The following SLIT3 variants were observed in gnomAD, a reference collection of about 807,000 sequenced individuals.
SLIT3 encodes the protein slit homolog 3 protein.
SLIT3 carries 68 observed loss-of-function variants against 184.0 expected under a neutral mutation model. The ratio of observed to expected loss-of-function variants is 0.37; its 90% CI spans 0.30 to 0.45. The LOEUF is 0.45. SLIT3 is among the 20% of genes least tolerant of loss of function. The pLI is 1.00. For missense variants in SLIT3, 1,707 were observed against 2,026.0 expected, an observed-to-expected ratio of 0.84 and a Z score of 3.02; for synonymous variants, 831 against 828.6, an observed-to-expected ratio of 1.00 and a Z score of -0.05.
chr5:168,792,072 G>T (rs1250457702), intron 10 of SLIT3: 1 of 152,238 alleles, frequency 6.6e-6, no homozygotes, highest in Non-Finnish European at 1.5e-5. Context: ...AGCCATAAGT[G>T]ACTGGACACA....
intron 4 of SLIT3, among the ~76,000 whole-genome samples, chr5:169,117,994 G>A (rs1267796795): frequency 6.6e-6 from 1 of 152,174 alleles, no homozygotes; most frequent in Non-Finnish European, 1.5e-5. Context: ...TATGATGTGT[G>A]CCTTTTGCCT....
chr5:168,749,711 A>C (rs1754633163), intron 18 of SLIT3, 76 bp from the exon 19 acceptor site: 1 of 1,508,854 alleles, frequency 6.6e-7, no homozygotes, highest in Admixed American at 1.7e-5. Flanking sequence ...CCCAGAGCCC[A>C]GCTCTCCTAG....
At chr5:169,150,516 T>TAC (rs58010997) in intron 4 of SLIT3, among the ~76,000 whole-genome samples, 25,197 of 145,298 alleles carry the variant, frequency 0.17, 3,376 homozygotes, top group African/African-American at 0.39. Context: ...TTCACTCACA[T>TAC]ACACACACAC....
intron 4 of SLIT3, among the ~76,000 whole-genome samples, chr5:169,118,167 G>C (rs969726626): frequency 6.6e-6 from 1 of 152,204 alleles, no homozygotes; most frequent in Admixed American, 6.5e-5. Context: ...GACAGAGTAA[G>C]ACCTTGTCTC....
intron 4 of SLIT3, among the ~76,000 whole-genome samples, chr5:169,008,968 C>G (rs1005876984): frequency 6.6e-6 from 1 of 152,154 alleles, no homozygotes; most frequent in Non-Finnish European, 1.5e-5. Flanking sequence ...GATGAAGAAA[C>G]TGGAGTTCAG....
chr5:168,787,702 G>A (rs1017414460), intron 11 of SLIT3, among the ~76,000 whole-genome samples: 2 of 152,062 alleles, frequency 1.3e-5, no homozygotes, highest in African/African-American at 2.4e-5. Flanking sequence ...GTGTAGTAAC[G>A]TTACATGGCT....
chr5:169,034,678 C>T (rs114540738), intron 4 of SLIT3, among the ~76,000 whole-genome samples: 2,737 of 151,966 alleles, frequency 0.018, 85 homozygotes, highest in African/African-American at 0.063. Flanking sequence ...CAGCTAGACG[C>T]TAGATCAAAT....
chr5:169,132,115 T>C (rs1034713000), intron 4 of SLIT3, among the ~76,000 whole-genome samples: 1 of 152,112 alleles, frequency 6.6e-6, no homozygotes, highest in Non-Finnish European at 1.5e-5. Flanking sequence ...CTGTTTGAAG[T>C]ACCCCACATG....
At chr5:168,965,365 G>A (rs985650032) in intron 4 of SLIT3, among the ~76,000 whole-genome samples, 2 of 152,188 alleles carry the variant, frequency 1.3e-5, no homozygotes, top group Non-Finnish European at 2.9e-5. Flanking sequence ...AGAAAGATGG[G>A]TTTTGAAATC....
chr5:169,195,536 G>GTT (rs1763714297), intron 3 of SLIT3, among the ~76,000 whole-genome samples: 1 of 152,160 alleles, frequency 6.6e-6, no homozygotes, highest in Non-Finnish European at 1.5e-5. Flanking sequence ...CTCTTGTTTT[G>GTT]TTTTGTTTGA....
chr5:169,013,314 C>T (rs1005454675), intron 4 of SLIT3: 3 of 152,318 alleles, frequency 2.0e-5, no homozygotes, highest in East Asian at 3.9e-4. Context: ...CTGCTTCCAT[C>T]CTACCATTTC....
At position 168,963,746 on chromosome 5, in the gene SLIT3, T is replaced by C. The variant is rs148657899; in HGVS notation, c.414-80410A>G. 1.7e-3 allele frequency among the ~76,000 whole-genome samples: 255 copies of C among 152,270 alleles called. 3 individuals carry two copies. Among genetic ancestry groups the C allele is most frequent in the South Asian group, 1.0e-2 (48 of 4,824 alleles). ...GAGACAAACCCTTGCAAATGCCAGGTTGGAACTTGTCGAATCAATGACCAA... is the reference window on the plus strand; with the variant it reads ...GAGACAAACCCTTGCAAATGCCAGGCTGGAACTTGTCGAATCAATGACCAA... On this transcript the variant is annotated intron_variant, in intron 4 of 35. Coordinates refer to ENST00000519560, the MANE Select transcript of SLIT3 (RefSeq NM_003062.4).
At position 169,300,677 on chromosome 5, in the gene SLIT3, G is replaced by C. The variant is rs1211686203; in HGVS notation, c.33C>G (p.Ala11=). MAPGWAGVGA[A]VRARLALALA... Reference sequence around the variant, plus strand: ...AGGCCAGCGCCAGGCGGGCGCGCACGGCGGCGCCGACCCCTGCCCACCCGG... The same window carrying C: ...AGGCCAGCGCCAGGCGGGCGCGCACCGCGGCGCCGACCCCTGCCCACCCGG... Residue 11 remains alanine (A), a synonymous_variant, in exon 1 of 36, where the codon GCC becomes GCG. Transcript: ENST00000519560. The surrounding 1 kb of genome is among the most constrained non-coding windows in gnomAD (Gnocchi z 4.1). 1.6e-5 allele frequency: 22 copies of C among 1,397,316 alleles called. No individual in the cohort carries two copies. Among genetic ancestry groups the C allele is most frequent in the Non-Finnish European group, 1.8e-5 (20 of 1,084,566 alleles). The allele number at this position is 1,397,316 out of a possible 1,614,324, so 86.6% of individuals were successfully genotyped here. A position where few individuals can be genotyped will look rare whatever the true frequency, so the allele number is the denominator to read the frequency against.
At chr5:168,722,397 G>A (rs567273773) in intron 22 of SLIT3, 70 bp from the exon 23 acceptor site, 29 of 1,342,750 alleles carry the variant, frequency 2.2e-5, no homozygotes, top group Admixed American at 1.0e-4. Flanking sequence ...CACTGTTCAC[G>A]TTGTGAAACA....
At chr5:168,885,937 T>A (rs1351111138) in intron 4 of SLIT3, among the ~76,000 whole-genome samples, 2 of 152,148 alleles carry the variant, frequency 1.3e-5, no homozygotes, top group African/African-American at 4.8e-5. Flanking sequence ...CTGGGAGACC[T>A]CCCACACAGG....
intron 4 of SLIT3, among the ~76,000 whole-genome samples, chr5:169,035,402 A>G (rs996010266): frequency 6.6e-6 from 1 of 151,998 alleles, no homozygotes; most frequent in Non-Finnish European, 1.5e-5. Context: ...GTAATCCCAA[A>G]ACTTTGGGAG....
chr5:168,715,116 C>T (rs1762677891), intron 23 of SLIT3, among the ~76,000 whole-genome samples: 1 of 152,172 alleles, frequency 6.6e-6, no homozygotes, highest in Non-Finnish European at 1.5e-5. Flanking sequence ...GGGTTAAGAA[C>T]CCAAGGCTCT....
chr5:168,749,827 G>A (rs899488713), intron 18 of SLIT3, among the ~76,000 whole-genome samples, 192 bp from the exon 19 acceptor site: 9 of 152,096 alleles, frequency 5.9e-5, no homozygotes, highest in African/African-American at 2.2e-4. Flanking sequence ...TGGCTGTGGT[G>A]TCTCGCCATG....
intron 3 of SLIT3, among the ~76,000 whole-genome samples, chr5:169,227,265 T>C (rs1336827457): frequency 6.6e-6 from 1 of 152,226 alleles, no homozygotes; most frequent in Non-Finnish European, 1.5e-5. Context: ...ATTACGCCAC[T>C]TAAATCTGAT....
Sources: allele counts gnomAD v4.1 joint callset (sites outside exome capture counted in the v4.1 genomes callset), GRCh38; gene constraint gnomAD v4.1.1; non-coding constraint Gnocchi (gnomAD v3.1); transcripts MANE v1.5; gene names NCBI Gene and HGNC (gene_info 2026-07-23, HGNC 2026-07-21).